Variants in VCPIP1 observed in about 807,000 individuals in gnomAD.
VCPIP1 encodes valosin containing protein interacting protein 1.
In VCPIP1, 8 loss-of-function variants were observed where a neutral mutation model predicts 85.0. That is an observed-to-expected ratio of 0.09 (90% CI 0.06 to 0.17). The LOEUF (loss-of-function observed/expected upper bound fraction) is 0.17, where lower values mean the gene tolerates loss of function less well. Ranked by LOEUF, VCPIP1 falls within the 10% of genes least tolerant of loss-of-function variation. The pLI, the probability that VCPIP1 is intolerant of heterozygous loss-of-function variation, is 1.00. For missense variants in VCPIP1, 1,070 were observed against 1,486.3 expected, an observed-to-expected ratio of 0.72 and a Z score of 4.61; for synonymous variants, 543 against 544.5, an observed-to-expected ratio of 1.00 and a Z score of 0.04.
chr8:66,651,657 G>C (rs530084540), intron 1 of VCPIP1, 113 bp from the exon 2 acceptor site: 3 of 723,880 alleles, frequency 4.1e-6, no homozygotes, highest in African/African-American at 3.6e-5. Flanking sequence ...CTAAATGAGT[G>C]AAACAGCCTG....
At chr8:66,641,387 T>A (rs77487709) in intron 2 of VCPIP1, among the ~76,000 whole-genome samples, 1 of 152,174 alleles carries the variant, frequency 6.6e-6, no homozygotes. Flanking sequence ...TTTTTTTTTT[T>A]AGAGACAGAG....
chr8:66,651,142 G>A (rs1402731142), intron 2 of VCPIP1, among the ~76,000 whole-genome samples: 2 of 142,202 alleles, frequency 1.4e-5, no homozygotes, highest in African/African-American at 2.6e-5. Context: ...CCGAGATCGC[G>A]CCATTGCACT....
chr8:66,654,753 C>T (rs940162390), intron 1 of VCPIP1, among the ~76,000 whole-genome samples: 1 of 152,184 alleles, frequency 6.6e-6, no homozygotes, highest in African/African-American at 2.4e-5. Flanking sequence ...AGGTTCAATG[C>T]CTGGATTACT....
chr8:66,657,788 TTAAAA>T (rs929535248), intron 1 of VCPIP1, among the ~76,000 whole-genome samples: 66 of 152,330 alleles, frequency 4.3e-4, no homozygotes, highest in African/African-American at 1.5e-3. Context: ...GAAAAAATAT[TTAAAA>T]TAAAAGTGAT....
At chr8:66,639,774 G>A (rs984572626) in intron 2 of VCPIP1, among the ~76,000 whole-genome samples, 3 of 152,166 alleles carry the variant, frequency 2.0e-5, no homozygotes, top group Admixed American at 6.5e-5. Context: ...AGAGAGTTAT[G>A]TATGCTCCTT....
chr8:66,634,404 G>T lies in VCPIP1; in HGVS notation c.*97C>A. On this transcript the variant is annotated 3_prime_UTR_variant, in exon 3 of 3. Transcript: ENST00000310421. ...AAGATATAATCTTTGAATTATATAC[G>T]TACAAGATTTTTAATGACTAATCAA... 7.4e-7 allele frequency: 1 copy of T among 1,359,218 alleles called. No individual in the cohort carries two copies. Among genetic ancestry groups the T allele is most frequent in the Non-Finnish European group, 1.0e-6 (1 of 1,000,098 alleles). The allele number at this position is 1,359,218 out of a possible 1,614,324, so 84.2% of individuals were successfully genotyped here.
chr8:66,637,999 ACTTATATATG>A (rs1367205864), intron 2 of VCPIP1, among the ~76,000 whole-genome samples: 1 of 152,202 alleles, frequency 6.6e-6, no homozygotes, highest in Non-Finnish European at 1.5e-5. Flanking sequence ...AAATTCCATT[ACTTATATATG>A]CTAATGACAT....
At chr8:66,640,317 C>G (rs962530063) in intron 2 of VCPIP1, among the ~76,000 whole-genome samples, 4 of 152,200 alleles carry the variant, frequency 2.6e-5, no homozygotes. Context: ...AACTGCTATA[C>G]ATCCACCATC....
At chr8:66,638,970 C>CTCTCTCTATATATATA in intron 2 of VCPIP1, among the ~76,000 whole-genome samples, 9 of 118,436 alleles carry the variant, frequency 7.6e-5, no homozygotes, top group African/African-American at 3.5e-4. Context: ...CTCTCTCTCT[C>CTCTCTCTATATATATA]TATATATATA....
intron 1 of VCPIP1, among the ~76,000 whole-genome samples, chr8:66,658,120 G>A (rs1294789939): frequency 2.0e-5 from 3 of 152,094 alleles, no homozygotes; most frequent in Non-Finnish European, 4.4e-5. Context: ...CGGATCACGA[G>A]GTCAGGAGTT....
intron 2 of VCPIP1, among the ~76,000 whole-genome samples, chr8:66,638,371 C>G (rs938537940): frequency 1.3e-5 from 2 of 151,038 alleles, no homozygotes; most frequent in African/African-American, 4.9e-5. Context: ...CCTGTAGTCC[C>G]AGCAACCTGG....
Position 66,665,006 on chromosome 8 carries a change from T to C in VCPIP1, c.1953A>G (p.Ile651Met), listed in dbSNP as rs139388600. 1.2e-6 allele frequency: 2 copies of C among 1,613,828 alleles called. No individual in the cohort carries two copies. Among genetic ancestry groups the C allele is most frequent in the Non-Finnish European group, 1.7e-6 (2 of 1,179,808 alleles). The change falls in exon 1 of 3, where the codon ATA becomes ATG. Residue 651 changes from isoleucine (I) to methionine (M), a missense_variant. Around this residue, in one of 8 missense-constraint regions of VCPIP1, gnomAD observed 278 missense variants for 298.5 expected, o/e 0.93. Transcript: ENST00000310421. The surrounding 1 kb of genome is among the most constrained non-coding windows in gnomAD (Gnocchi z 4.3). ...GATTCTTTTTGGCAGTCTGATGCAA[T>C]ATAGTGTGGACAACTTTCTGAACTA... Reference protein sequence around the residue: ...EILVQKVVHTILHQTAKKNPD... With the variant: ...EILVQKVVHTMLHQTAKKNPD...
In VCPIP1 at chr8:66,631,951, T is replaced by TATGGTA. The variant is rs1810837808; in HGVS notation, c.*2549_*2550insTACCAT. The TATGGTA allele has an allele frequency of 2.0e-5, 3 of 152,514 alleles. No homozygotes were observed. Among genetic ancestry groups the TATGGTA allele is most frequent in the African/African-American group, 7.2e-5 (3 of 41,530 alleles). The allele number at this position is 152,514 out of a possible 1,614,324, so 9.4% of individuals were successfully genotyped here. ...GGTCATCAACTTAAATTTGGTATGA[T>TATGGTA]TAACTATAAAATGGATTACTGAAGA... is the stretch of plus-strand genomic sequence containing the variant. On this transcript the variant is annotated 3_prime_UTR_variant, in exon 3 of 3. Transcript: ENST00000310421.
chr8:66,636,313 C>G (rs930820631), intron 2 of VCPIP1, among the ~76,000 whole-genome samples: 10 of 151,406 alleles, frequency 6.6e-5, no homozygotes, highest in African/African-American at 2.4e-4. Flanking sequence ...TTGGCTATCC[C>G]TAGAAAGAAT....
chr8:66,651,649 A>G (rs1042400177), intron 1 of VCPIP1, 105 bp from the exon 2 acceptor site: 8 of 818,258 alleles, frequency 9.8e-6, no homozygotes, highest in African/African-American at 8.7e-5. Flanking sequence ...CAGAGCTCCT[A>G]AATGAGTGAA....
chr8:66,657,859 G>A (rs1811115011), intron 1 of VCPIP1, among the ~76,000 whole-genome samples: 1 of 152,004 alleles, frequency 6.6e-6, no homozygotes. Context: ...TATCTAGAAA[G>A]GAATAACATC....
At chr8:66,643,793 C>A (rs558586610) in intron 2 of VCPIP1, among the ~76,000 whole-genome samples, 1 of 145,060 alleles carries the variant, frequency 6.9e-6, no homozygotes, top group Middle Eastern at 3.7e-3. Context: ...AAGCAGAAAT[C>A]AATGAAACTG....
intron 2 of VCPIP1, among the ~76,000 whole-genome samples, chr8:66,646,884 G>A (rs530592668): frequency 5.3e-5 from 8 of 152,158 alleles, no homozygotes; most frequent in South Asian, 2.1e-4. Context: ...AATTAGCCGG[G>A]TGTGGTGGTG....
At chr8:66,641,326 A>AT (rs1810945564) in intron 2 of VCPIP1, among the ~76,000 whole-genome samples, 2 of 152,188 alleles carry the variant, frequency 1.3e-5, no homozygotes, top group African/African-American at 4.8e-5. Flanking sequence ...TTCACATACA[A>AT]TTCACCCATT....
Sources: allele counts gnomAD v4.1 joint callset (sites outside exome capture counted in the v4.1 genomes callset), GRCh38; gene constraint gnomAD v4.1.1; regional missense constraint gnomAD v4.1.1; non-coding constraint Gnocchi (gnomAD v3.1); transcripts MANE v1.5; gene names NCBI Gene and HGNC (gene_info 2026-07-23, HGNC 2026-07-21).